Variants in EHBP1L1 observed in about 807,000 individuals in gnomAD.
EHBP1L1 encodes the protein EH domain binding protein 1 like 1, also known as EH domain-binding protein 1-like protein 1.
Under a neutral mutation model 151.1 loss-of-function variants are expected in EHBP1L1, and 122 were observed. The ratio of observed to expected loss-of-function variants is 0.81; its 90% CI spans 0.70 to 0.94. EHBP1L1 has a LOEUF of 0.94. Ranked by LOEUF, EHBP1L1 falls within the 40% of genes least tolerant of loss-of-function variation. The pLI is 0.00. For synonymous variants in EHBP1L1, 878 were observed against 810.1 expected, an observed-to-expected ratio of 1.08 and a Z score of -1.42; for missense variants, 1,941 against 1,959.8, an observed-to-expected ratio of 0.99 and a Z score of 0.18.
intron 9 of EHBP1L1, 65 bp from the exon 10 acceptor site, chr11:65,584,176 T>G: frequency 6.4e-7 from 1 of 1,562,594 alleles, no homozygotes; most frequent in Non-Finnish European, 8.6e-7. Flanking sequence ...GGCATGAGCT[T>G]CCCCAAGAGG....
In EHBP1L1 at chr11:65,582,096, C is replaced by T. The variant is rs556715013; in HGVS notation, c.1424C>T (p.Pro475Leu). 5.0e-6 allele frequency: 8 copies of T among 1,608,300 alleles called. No homozygotes were observed. The African/African-American group carries it at 5.3e-5, about 11-fold the overall frequency. The stretch of plus-strand genomic sequence containing the variant: ...GGAGTCAGGACCAGGGATGAGGCTC[C>T]CTCAGGCCTGAGCCTGCCCCCAGCG... The part of the protein sequence containing the change: ...RLGVRTRDEA[P>L]SGLSLPPAEP... Residue 475 changes from proline to leucine, a missense_variant, in exon 9 of 19, where the codon CCC (proline) becomes CTC (leucine). Physicochemically the swap from Pro to Leu is moderately conservative, Grantham distance 98. Transcript: ENST00000309295.
intron 3 of EHBP1L1, 129 bp from the exon 4 acceptor site, chr11:65,579,807 A>G (rs1857506761): frequency 8.1e-6 from 8 of 981,796 alleles, no homozygotes; most frequent in African/African-American, 1.8e-5. Flanking sequence ...AGCCTCGACG[A>G]CAGAGGAAGA....
chr11:65,587,165 G>T (rs1218095331), intron 12 of EHBP1L1, among the ~76,000 whole-genome samples: 1 of 152,192 alleles, frequency 6.6e-6, no homozygotes, highest in East Asian at 1.9e-4. Flanking sequence ...ACGAGGTCAG[G>T]AGATCAAGAC....
At position 65,581,044 on chromosome 11, in the gene EHBP1L1, C is replaced by G. The variant is rs1482809575; in HGVS notation, c.635-14C>G. On this transcript the variant is annotated splice_polypyrimidine_tract_variant and intron_variant, in intron 6 of 18. Transcript: ENST00000309295. Reference sequence around the variant, plus strand: ...GGCTGACTCTGCCCTTCTCCCCTCTCCTACCATTCCCAGATCCCTCTCGAG... The same window carrying G: ...GGCTGACTCTGCCCTTCTCCCCTCTGCTACCATTCCCAGATCCCTCTCGAG... 2 of 1,596,460 alleles carry G rather than the reference C, an allele frequency of 1.3e-6. No homozygotes were observed. The highest frequency in any genetic ancestry group is 3.5e-5 in the Admixed American group (2 of 57,340).
Position 65,576,307 on chromosome 11 carries a change from C to G in EHBP1L1, c.5C>G (p.Thr2Ser), listed in dbSNP as rs758669131. The change falls in exon 1 of 19, where the codon ACC becomes AGC. Residue 2 changes from threonine (T) to serine (S), a missense_variant. Transcript: ENST00000309295. ...GGCGGCGGGGTGGCGGGGGCCATGA[C>G]CTCGGTGTGGAAGCGCCTGCAGCGC... Reference protein sequence around the residue: MTSVWKRLQRVG... With the variant: MSSVWKRLQRVG... The G allele has an allele frequency of 1.3e-6, 2 of 1,591,300 alleles. No individual in the cohort carries two copies.
chr11:65,586,385 A>G (rs1044077903), intron 12 of EHBP1L1, among the ~76,000 whole-genome samples: 10 of 152,248 alleles, frequency 6.6e-5, no homozygotes, highest in Non-Finnish European at 1.0e-4. Context: ...ACCAAGGGGC[A>G]GCTCTGCCAG....
Position 65,590,484 on chromosome 11 carries a change from C to G in EHBP1L1, c.4184-9C>G. ...GGGCAGGCCTGGTGACTGTCCCTGT[C>G]CAATGCAGGTGCCAACAAGCTGCAG... On this transcript the variant is annotated splice_polypyrimidine_tract_variant and intron_variant, in intron 15 of 18. Transcript: ENST00000309295. The G allele has an allele frequency of 6.2e-7, 1 of 1,612,484 alleles. No homozygotes were observed. The highest frequency in any genetic ancestry group is 8.5e-7 in the Non-Finnish European group (1 of 1,179,648).
chr11:65,576,343 G>T lies in EHBP1L1; in HGVS notation c.41G>T (p.Arg14Leu). ...VWKRLQRVGK[R>L]AAKFQFVACY... ...AAGCGCCTGCAGCGCGTGGGCAAGC[G>T]GGCGGCCAAGTTCCAGTTCGTGGCC... Residue 14 changes from arginine to leucine, a missense_variant, in exon 1 of 19, where the codon CGG becomes CTG. Coordinates refer to ENST00000309295, the MANE Select transcript of EHBP1L1 (RefSeq NM_001099409.3). 1 of 1,599,518 alleles carries T rather than the reference G, an allele frequency of 6.3e-7. No homozygotes were observed. Among genetic ancestry groups the T allele is most frequent in the Non-Finnish European group, 8.5e-7 (1 of 1,173,688 alleles).
rs1857525500 is a variant in EHBP1L1 at position 65,580,130 on chromosome 11, C to G, written c.362C>G (p.Ala121Gly). 2 of 1,613,506 alleles carry G rather than the reference C, an allele frequency of 1.2e-6. No individual in the cohort carries two copies. Among genetic ancestry groups the G allele is most frequent in the Non-Finnish European group, 1.7e-6 (2 of 1,179,766 alleles). ...CTGGCCACGGCCGAGGTGGACCTGGCCCGCCATGCAGGGCCCGTGCCTGTC... is the reference window on the plus strand; with the variant it reads ...CTGGCCACGGCCGAGGTGGACCTGGGCCGCCATGCAGGGCCCGTGCCTGTC... Reference protein sequence around the residue: ...KVLATAEVDLARHAGPVPVQV... With the variant: ...KVLATAEVDLGRHAGPVPVQV... The change falls in exon 5 of 19, where the codon GCC becomes GGC. Residue 121 changes from alanine to glycine, a missense_variant. Transcript: ENST00000309295.
At chr11:65,590,368 C>A in intron 15 of EHBP1L1, 125 bp from the exon 16 acceptor site, 1 of 1,495,942 alleles carries the variant, frequency 6.7e-7, no homozygotes, top group Non-Finnish European at 9.0e-7. Context: ...AAGTGGCTTC[C>A]TCGAGGCACA....
rs1565124370 is a variant in EHBP1L1 at position 65,582,594 on chromosome 11, T to C, written c.1922T>C (p.Ile641Thr). ...ACCCAGGAAACAGAGGTGGGGGTCATAGAGACCCCAGGGACAGAGACTGAG... is the reference window on the plus strand; with the variant it reads ...ACCCAGGAAACAGAGGTGGGGGTCACAGAGACCCCAGGGACAGAGACTGAG... ...LETQETEVGV[I>T]ETPGTETEVL... Residue 641 changes from isoleucine (I) to threonine (T), a missense_variant, in exon 9 of 19, where the codon ATA becomes ACA. By Grantham distance (89) the Ile-to-Thr change is moderately conservative (BLOSUM62 -1). Coordinates refer to ENST00000309295, the MANE Select transcript of EHBP1L1 (RefSeq NM_001099409.3). 1.9e-6 allele frequency: 3 copies of C among 1,612,304 alleles called. No individual in the cohort carries two copies. Among genetic ancestry groups the C allele is most frequent in the African/African-American group, 2.7e-5 (2 of 74,428 alleles).
rs757129947 is a variant in EHBP1L1, at chr11:65,581,743, G to T, written c.1071G>T (p.Arg357Ser). 2 of 1,604,152 alleles carry T rather than the reference G, an allele frequency of 1.2e-6. No homozygotes were observed. Among genetic ancestry groups the T allele is most frequent in the Admixed American group, 3.4e-5 (2 of 58,270 alleles). The part of the protein sequence containing the change: ...PQEGTEAHGA[R>S]LGPSIEDKGS... ...AAGGGACAGAAGCCCATGGAGCTAG[G>T]CTGGGCCCGAGCATTGAGGATAAAG... The change falls in exon 9 of 19, where the codon AGG becomes AGT. Residue 357 changes from arginine to serine, a missense_variant. Transcript: ENST00000309295.
rs373203446 is a variant in EHBP1L1 at position 65,584,475 on chromosome 11, ACT to A, written c.3252-6_3252-5del. 5.0e-6 allele frequency: 8 copies of A among 1,613,182 alleles called. No homozygotes were observed. The highest frequency in any genetic ancestry group is 3.3e-5 in the Admixed American group (2 of 59,966). On this transcript the variant is annotated splice_polypyrimidine_tract_variant and intron_variant, in intron 10 of 18. Transcript: ENST00000309295. ...TGTGGACCCAGCCTCTGACCAGCACACTCTCTGCAGTGACTATGCCTCGCTAG... is the reference window on the plus strand; with the variant it reads ...TGTGGACCCAGCCTCTGACCAGCACACTCTGCAGTGACTATGCCTCGCTAG...
rs1858164847 is a variant in EHBP1L1 at position 65,589,800 on chromosome 11, C to T, written c.3983C>T (p.Ala1328Val). 2 of 1,563,468 alleles carry T rather than the reference C, an allele frequency of 1.3e-6. No homozygotes were observed. Among genetic ancestry groups the T allele is most frequent in the African/African-American group, 1.4e-5 (1 of 73,602 alleles). ...PSPAPGPPTA[A>V]DSQQPPGGSS... The stretch of plus-strand genomic sequence containing the variant: ...CCTGCCCCAGGCCCACCCACAGCTG[C>T]AGACTCTCAACAGCCCCCTGGTGAG... The change falls in exon 13 of 19, where the codon GCA becomes GTA. Residue 1328 changes from alanine to valine, a missense_variant. Ala to Val is a moderately conservative substitution (Grantham distance 64, BLOSUM62 0). Transcript: ENST00000309295.
rs1326043113 is a variant in EHBP1L1 at position 65,582,667 on chromosome 11, G to A, written c.1995G>A (p.Gln665=). The part of the protein sequence containing the change: ...KTEAGGSGVL[Q]TRTTIAETEV... ...AAGCTGGGGGTTCAGGAGTTTTGCA[G>A]ACAAGAACTACGATAGCAGAGACTG... is the stretch of plus-strand genomic sequence containing the variant. The change falls in exon 9 of 19, where the codon CAG becomes CAA. Residue 665 remains glutamine (Q), a synonymous_variant. Coordinates refer to ENST00000309295, the MANE Select transcript of EHBP1L1 (RefSeq NM_001099409.3). 6.2e-7 allele frequency: 1 copy of A among 1,613,636 alleles called. No individual in the cohort carries two copies. Among genetic ancestry groups the A allele is most frequent in the Non-Finnish European group, 8.5e-7 (1 of 1,179,844 alleles).
chr11:65,585,270 C>G lies in EHBP1L1; in HGVS notation c.3612C>G (p.Ala1204=). 2.6e-5 allele frequency: 28 copies of G among 1,082,762 alleles called. No individual in the cohort carries two copies. The highest frequency in any genetic ancestry group is 3.1e-5 in the Non-Finnish European group (28 of 892,376). The allele number at this position is 1,082,762 out of a possible 1,614,324, so 67.1% of individuals were successfully genotyped here. A position where few individuals can be genotyped will look rare whatever the true frequency, so the allele number is the denominator to read the frequency against. ...CCGCAGACCGCGCAGACGGGGCGGC[C>G]CCGGGGGTGGCCTCCAGGAACGCGG... ...KEAADRADGA[A]PGVASRNAVA... Residue 1204 remains alanine, a synonymous_variant, in exon 12 of 19, where the codon GCC becomes GCG. Transcript: ENST00000309295. The surrounding 1 kb of genome is among the most constrained non-coding windows in gnomAD (Gnocchi z 4.0).
intron 12 of EHBP1L1, among the ~76,000 whole-genome samples, chr11:65,587,017 G>A (rs142865188): frequency 1.6e-3 from 240 of 152,264 alleles, no homozygotes; most frequent in African/African-American, 5.5e-3. Context: ...GGCCTGGCCC[G>A]GCCCTTGGGA....
At chr11:65,584,820 C>T in intron 11 of EHBP1L1, 139 bp from the exon 12 acceptor site, 1 of 1,214,716 alleles carries the variant, frequency 8.2e-7, no homozygotes, top group Non-Finnish European at 1.1e-6. Flanking sequence ...GCTGGATTTC[C>T]CTCGCTAGGA....
chr11:65,590,246 A>C, intron 15 of EHBP1L1, 36 bp downstream of exon 15: 1 of 1,608,988 alleles, frequency 6.2e-7, no homozygotes, highest in South Asian at 1.1e-5. Context: ...TCCCCAACAC[A>C]TGCCACTAGG....
Sources: gnomAD v4.1 joint callset for allele counts (sites outside exome capture counted in the v4.1 genomes callset) on GRCh38, gnomAD v4.1.1 for gene constraint, Gnocchi (gnomAD v3.1) non-coding constraint, MANE v1.5 for transcripts, NCBI Gene and HGNC (gene_info 2026-07-23, HGNC 2026-07-21) for gene names.